WDPCP: variants seen among roughly 807,000 people sequenced by gnomAD.
WDPCP encodes the protein WD repeat-containing and planar cell polarity effector protein fritz homolog.
Under a neutral mutation model 93.1 loss-of-function variants are expected in WDPCP, and 71 were observed. That is an observed-to-expected ratio of 0.76 (90% confidence interval 0.63 to 0.93). The LOEUF is 0.93. WDPCP is among the 40% of genes least tolerant of loss of function. The pLI, the probability that WDPCP is intolerant of heterozygous loss-of-function variation, is 0.00. For synonymous variants in WDPCP, 315 were observed against 315.0 expected, an observed-to-expected ratio of 1.00 and a Z score of 0.00; for missense variants, 844 against 887.4, an observed-to-expected ratio of 0.95 and a Z score of 0.62.
upstream of WDPCP, chr2:63,588,804 A>C (rs1297362324): frequency 1.2e-5 from 7 of 590,830 alleles, no homozygotes; most frequent in Non-Finnish European, 2.1e-5. Flanking sequence ...CGCAGTGAGA[A>C]GAGCTTGAAA....
In WDPCP at chr2:63,583,690, A is replaced by G. The variant is rs544657507; in HGVS notation, c.75+4507T>C. On this transcript the variant is annotated intron_variant, in intron 1 of 17. Coordinates refer to ENST00000272321, the MANE Select transcript of WDPCP (RefSeq NM_015910.7). ...GCAAGACTCCGTTTCAAAAAAAAAA[A>G]AAAGAAAGAAATTTTGAAAAATGTA... Among the ~76,000 whole-genome samples the G allele has an allele frequency of 5.8e-3, 890 of 152,230 alleles. 9 individuals carry two copies. The highest frequency in any genetic ancestry group is 5.1e-3 in the Non-Finnish European group (350 of 68,008).
intron 9 of WDPCP, among the ~76,000 whole-genome samples, chr2:63,431,433 T>C (rs1225093742): frequency 6.6e-6 from 1 of 152,150 alleles, no homozygotes; most frequent in Non-Finnish European, 1.5e-5. Context: ...CTATAGTAGA[T>C]CCAATGATTA....
intron 3 of WDPCP, chr2:63,606,920 T>C (rs745584754): frequency 6.2e-7 from 1 of 1,612,740 alleles, no homozygotes; most frequent in South Asian, 1.1e-5. Flanking sequence ...CGTGAGAAGA[T>C]GGATCTTACT....
chr2:63,474,676 T>A (rs1347787948), intron 6 of WDPCP, among the ~76,000 whole-genome samples: 1 of 152,122 alleles, frequency 6.6e-6, no homozygotes, highest in East Asian at 1.9e-4. Context: ...GGAGGAAGAA[T>A]AATAGGCAGA....
At chr2:63,580,333 G>T (rs1708414618) in intron 1 of WDPCP, among the ~76,000 whole-genome samples, 2 of 152,210 alleles carry the variant, frequency 1.3e-5, no homozygotes, top group South Asian at 4.2e-4. Context: ...TGAGAAACAG[G>T]ATATTAATGT....
At chr2:63,255,635 T>C (rs1403014005) in intron 14 of WDPCP, among the ~76,000 whole-genome samples, 1 of 152,132 alleles carries the variant, frequency 6.6e-6, no homozygotes, top group Admixed American at 6.6e-5. Flanking sequence ...TCCTGAGGCC[T>C]CACCAGGTAC....
chr2:63,224,376 C>G (rs1678096381), intron 14 of WDPCP, among the ~76,000 whole-genome samples: 1 of 151,966 alleles, frequency 6.6e-6, no homozygotes, highest in Non-Finnish European at 1.5e-5. Flanking sequence ...TGACCCAATG[C>G]TTGCACTCCT....
intron 13 of WDPCP, among the ~76,000 whole-genome samples, chr2:63,274,058 G>T (rs539460414): frequency 2.0e-5 from 3 of 151,988 alleles, no homozygotes; most frequent in Admixed American, 2.0e-4. Context: ...TACTCTTCTC[G>T]TCAGCACGTG....
chr2:63,160,523 ACCTCC>A (rs1251165795), intron 15 of WDPCP, among the ~76,000 whole-genome samples: 3 of 152,188 alleles, frequency 2.0e-5, no homozygotes, highest in Middle Eastern at 6.8e-3. Context: ...ATCCATATGA[ACCTCC>A]CCTCCCCTAC....
chr2:63,254,584 C>A (rs951022631), intron 14 of WDPCP, among the ~76,000 whole-genome samples: 1 of 151,944 alleles, frequency 6.6e-6, no homozygotes, highest in Non-Finnish European at 1.5e-5. Flanking sequence ...GGAGAAGTCC[C>A]ATGTCTCTTT....
chr2:63,532,040 A>G (rs1703892926), intron 1 of WDPCP, among the ~76,000 whole-genome samples: 1 of 152,184 alleles, frequency 6.6e-6, no homozygotes, highest in Non-Finnish European at 1.5e-5. Context: ...GCTGAAAACC[A>G]TGGCACGAGA....
intron 1 of WDPCP, among the ~76,000 whole-genome samples, chr2:63,556,254 TGAA>T (rs1706113549): frequency 6.6e-6 from 1 of 152,150 alleles, no homozygotes. Flanking sequence ...TTTCAGAGCT[TGAA>T]GACTATCTTG....
At chr2:63,203,683 C>T (rs750687000) in intron 14 of WDPCP, among the ~76,000 whole-genome samples, 22 of 152,276 alleles carry the variant, frequency 1.4e-4, no homozygotes, top group East Asian at 1.9e-4. Flanking sequence ...CATCCTTCTA[C>T]GCTATCTGAG....
chr2:63,599,240 A>G, intron 3 of WDPCP: 5 of 1,613,750 alleles, frequency 3.1e-6, no homozygotes, highest in Non-Finnish European at 3.4e-6. Flanking sequence ...TCCATCCCCA[A>G]GGAGAACTTC....
At chr2:63,200,908 T>TA (rs1276605262) in intron 14 of WDPCP, among the ~76,000 whole-genome samples, 1 of 151,952 alleles carries the variant, frequency 6.6e-6, no homozygotes, top group Non-Finnish European at 1.5e-5. Flanking sequence ...GGGGGACTGT[T>TA]AGGAAGGCAT....
chr2:63,306,585 A>C (rs577045431), intron 13 of WDPCP, among the ~76,000 whole-genome samples: 5 of 152,356 alleles, frequency 3.3e-5, no homozygotes, highest in Admixed American at 3.3e-4. Flanking sequence ...GGCTGGTTCC[A>C]CATATGCAAA....
chr2:63,292,132 C>CAAAAAAAAA (rs58370764), intron 13 of WDPCP, among the ~76,000 whole-genome samples: 5 of 83,382 alleles, frequency 6.0e-5, no homozygotes, highest in Non-Finnish European at 9.4e-5. Flanking sequence ...GACTCCGGCT[C>CAAAAAAAAA]AAAAAAAAAA....
At chr2:63,128,360 A>G (rs761044654) in intron 17 of WDPCP, among the ~76,000 whole-genome samples, 25 of 152,168 alleles carry the variant, frequency 1.6e-4, no homozygotes, top group Non-Finnish European at 2.9e-4. Context: ...AAAGATAATT[A>G]AAACTTTTTC....
chr2:63,280,948 A>G (rs1683491835), intron 13 of WDPCP, among the ~76,000 whole-genome samples: 2 of 152,228 alleles, frequency 1.3e-5, no homozygotes, highest in Non-Finnish European at 2.9e-5. Context: ...ACCCAAAAGC[A>G]AATGAAACAA....
Sources: allele counts gnomAD v4.1 joint callset (sites outside exome capture counted in the v4.1 genomes callset), GRCh38; gene constraint gnomAD v4.1.1; transcripts MANE v1.5; gene names NCBI Gene and HGNC (gene_info 2026-07-23, HGNC 2026-07-21).